ZNF483: variants seen among roughly 807,000 people sequenced by gnomAD.
The protein encoded by ZNF483 is zinc finger protein 483.
In ZNF483, 9 loss-of-function variants were observed where a neutral mutation model predicts 28.6. The ratio of observed to expected loss-of-function variants is 0.32; its 90% CI spans 0.19 to 0.55. The LOEUF (loss-of-function observed/expected upper bound fraction) is 0.55, where lower values mean the gene tolerates loss of function less well. ZNF483 is among the 20% of genes least tolerant of loss of function. The probability of loss-of-function intolerance (pLI) is 0.93; values close to 1 mark genes in which losing one functional copy is unlikely to be tolerated. For synonymous variants in ZNF483, 322 were observed against 306.2 expected, an observed-to-expected ratio of 1.05 and a Z score of -0.54; for missense variants, 675 against 871.7, an observed-to-expected ratio of 0.77 and a Z score of 2.84.
At chr9:111,559,629 A>AAC (rs905762878), downstream of ZNF483, among the ~76,000 whole-genome samples, 11 of 147,054 alleles carry the variant, frequency 7.5e-5, no homozygotes, top group Non-Finnish European at 1.5e-4. Context: ...ATACATATAT[A>AAC]ACACACACAC....
At position 111,544,344 on chromosome 9, in the gene ZNF483, GTGCA is replaced by G; in HGVS notation, c.*1177_*1180del. The G allele has an allele frequency of 4.2e-6, 4 of 962,904 alleles. No individual in the cohort carries two copies. Among genetic ancestry groups the G allele is most frequent in the Non-Finnish European group, 4.8e-6 (4 of 824,984 alleles). The allele number at this position is 962,904 out of a possible 1,614,324, so 59.6% of individuals were successfully genotyped here. A position where few individuals can be genotyped will look rare whatever the true frequency, so the allele number is the denominator to read the frequency against. On this transcript the variant is annotated 3_prime_UTR_variant, in exon 6 of 6. Transcript: ENST00000309235. Reference sequence around the variant, plus strand: ...GTTATAACAATTTGCTTGGGTGTGTGTGCATGTGTGTGTGTGTGTGTGTGTGTGT... The same window carrying G: ...GTTATAACAATTTGCTTGGGTGTGTGTGTGTGTGTGTGTGTGTGTGTGTGT...
intron 3 of ZNF483, 33 bp downstream of exon 3, chr9:111,530,996 T>C: frequency 1.8e-6 from 2 of 1,128,154 alleles, no homozygotes; most frequent in Non-Finnish European, 2.5e-6. Context: ...TATTCCTAAG[T>C]GAATACTTAA....
intron 5 of ZNF483, among the ~76,000 whole-genome samples, chr9:111,537,993 T>C (rs1826788221): frequency 6.6e-6 from 1 of 152,194 alleles, no homozygotes; most frequent in African/African-American, 2.4e-5. Context: ...TGACACCAAG[T>C]ACGGCCTGTA....
chr9:111,534,418 C>G (rs190770662), intron 5 of ZNF483, 65 bp downstream of exon 5: 6 of 1,371,704 alleles, frequency 4.4e-6, no homozygotes, highest in Non-Finnish European at 6.2e-6. Flanking sequence ...TGAGAAGACT[C>G]TTTGAAATGT....
chr9:111,545,166 C>G lies in ZNF483; in HGVS notation c.*1996C>G, dbSNP rs966970433. The stretch of plus-strand genomic sequence containing the variant: ...TGCTAAGCAGACCAACGAATCACAT[C>G]CTAGCCATGAAAGGAATGTTTATTA... On this transcript the variant is annotated 3_prime_UTR_variant, in exon 6 of 6. Transcript: ENST00000309235. Among the ~76,000 whole-genome samples, 1 of 152,068 alleles carries G rather than the reference C, an allele frequency of 6.6e-6. No individual in the cohort carries two copies. Among genetic ancestry groups the G allele is most frequent in the African/African-American group, 2.4e-5 (1 of 41,380 alleles).
downstream of ZNF483, among the ~76,000 whole-genome samples, chr9:111,555,728 A>C (rs1345529265): frequency 6.6e-6 from 1 of 152,136 alleles, no homozygotes; most frequent in Non-Finnish European, 1.5e-5. Flanking sequence ...AGAACTCACT[A>C]TCATGAGAAC....
chr9:111,533,890 C>G lies in ZNF483; in HGVS notation c.628+25C>G, dbSNP rs976292652. On this transcript the variant is annotated intron_variant, in intron 4 of 5. Transcript: ENST00000309235. ...GGTAAAGACACCTTTTCTTCATTAC[C>G]TAGCGTTTAACCTTGGGTCTCTTTT... The G allele has an allele frequency of 8.8e-6, 14 of 1,583,248 alleles. No homozygotes were observed. In the East Asian group the frequency reaches 9.0e-5, roughly 10 times the overall value.
At chr9:111,558,001 G>A (rs986432789), downstream of ZNF483, among the ~76,000 whole-genome samples, 1 of 152,100 alleles carries the variant, frequency 6.6e-6, no homozygotes, top group Non-Finnish European at 1.5e-5. Context: ...ACAAAAATTA[G>A]CCAGGCATGG....
At chr9:111,566,164 CT>C (rs1468031396) in intron 5 of ZNF483, among the ~76,000 whole-genome samples, 4 of 152,104 alleles carry the variant, frequency 2.6e-5, no homozygotes, top group Non-Finnish European at 5.9e-5. Flanking sequence ...GATCGCGCCA[CT>C]GCACTCCAGC....
At position 111,543,145 on chromosome 9, in the gene ZNF483, A is replaced by G. The variant is rs753224842; in HGVS notation, c.2210A>G (p.His737Arg). ...TFKSNSGLIR[H>R]RGFHSAE ...AAAAGTAATTCAGGCCTCATTAGAC[A>G]TCGGGGATTTCACTCTGCAGAGTAA... is the stretch of plus-strand genomic sequence containing the variant. The change falls in exon 6 of 6, where the codon CAT becomes CGT. Residue 737 changes from histidine (H) to arginine (R), a missense_variant. By Grantham distance (29) the His-to-Arg change is conservative (BLOSUM62 0). This residue lies in a region of ZNF483 where 55 missense variants were observed against 72.4 expected (regional missense o/e 0.76). Transcript: ENST00000309235. The G allele has an allele frequency of 1.2e-6, 2 of 1,609,450 alleles. No individual in the cohort carries two copies. Among genetic ancestry groups the G allele is most frequent in the Non-Finnish European group, 1.7e-6 (2 of 1,177,620 alleles).
At position 111,554,974 on chromosome 9, in the gene ZNF483, T is replaced by C. The variant is rs1474084090; in HGVS notation, c.*11804T>C. 6.6e-6 allele frequency among the ~76,000 whole-genome samples: 1 copy of C among 152,154 alleles called. No individual in the cohort carries two copies. Among genetic ancestry groups the C allele is most frequent in the Non-Finnish European group, 1.5e-5 (1 of 68,014 alleles). On this transcript the variant is annotated 3_prime_UTR_variant, in exon 6 of 6. Transcript: ENST00000309235. ...GTTAATTTTTCTTTGAGAAGTGTAA[T>C]TTCTCCAGAGGTCTGCTCTTTAATT...
chr9:111,565,071 C>T (rs760658109), intron 5 of ZNF483, among the ~76,000 whole-genome samples: 1 of 151,964 alleles, frequency 6.6e-6, no homozygotes, highest in Non-Finnish European at 1.5e-5. Context: ...TTGCAGTGAA[C>T]GGAGATCGCA....
chr9:111,525,677 C>T (rs1827169298), intron 1 of ZNF483, among the ~76,000 whole-genome samples: 2 of 152,068 alleles, frequency 1.3e-5, no homozygotes, highest in South Asian at 2.1e-4. Context: ...TTTCTTCCCT[C>T]TGGTTGAGAT....
Position 111,544,567 on chromosome 9 carries a change from G to C in ZNF483, c.*1397G>C, listed in dbSNP as rs1827761146. The C allele has an allele frequency of 6.3e-6, 1 of 158,688 alleles. No homozygotes were observed. The highest frequency in any genetic ancestry group is 1.4e-5 in the Non-Finnish European group (1 of 73,930). 9.8% of individuals were successfully genotyped at this position (158,688 alleles called of 1,614,324 possible). A position where few individuals can be genotyped will look rare whatever the true frequency, so the allele number is the denominator to read the frequency against. On this transcript the variant is annotated 3_prime_UTR_variant, in exon 6 of 6. Coordinates refer to ENST00000309235, the MANE Select transcript of ZNF483 (RefSeq NM_133464.5). ...GCTAGTTCTCTCATGTATGTCACCT[G>C]ACTTTCCCACTGTATGAATGTTCTA... is the stretch of plus-strand genomic sequence containing the variant.
At chr9:111,532,784 C>T (rs1410379611) in intron 3 of ZNF483, among the ~76,000 whole-genome samples, 1 of 151,958 alleles carries the variant, frequency 6.6e-6, no homozygotes, top group Non-Finnish European at 1.5e-5. Context: ...TGGTGCATGC[C>T]TGTAATCCCA....
intron 3 of ZNF483, among the ~76,000 whole-genome samples, chr9:111,533,063 T>C (rs967254866): frequency 3.9e-5 from 6 of 152,206 alleles, no homozygotes; most frequent in Non-Finnish European, 8.8e-5. Flanking sequence ...AAGTTAAAAT[T>C]TGGAATGTAG....
In ZNF483 at chr9:111,561,152, A is replaced by AGAGAGG. The variant is rs1564608140; in HGVS notation, c.722-15208_722-15207insGGAGAG. Among the ~76,000 whole-genome samples the AGAGAGG allele has an allele frequency of 9.8e-4, 72 of 73,662 alleles. 3 individuals are homozygous for AGAGAGG. The highest frequency in any genetic ancestry group is 3.8e-3 in the African/African-American group (52 of 13,680). 48.3% of individuals were successfully genotyped at this position (73,662 alleles called of 152,430 possible). On this transcript the variant is annotated intron_variant, in intron 5 of 5. Transcript: ENST00000358151. The stretch of plus-strand genomic sequence containing the variant: ...AGAGAGAGAGAGGAGAGAGAGGGAG[A>AGAGAGG]GAGAGAGAGAGAGAGAGAGAGAGAG...
At chr9:111,531,364 A>G (rs1002849376) in intron 3 of ZNF483, among the ~76,000 whole-genome samples, 3 of 152,084 alleles carry the variant, frequency 2.0e-5, no homozygotes, top group African/African-American at 7.2e-5. Flanking sequence ...AGTGAAATAG[A>G]AGTTCATTTC....
intron 5 of ZNF483, among the ~76,000 whole-genome samples, chr9:111,573,753 T>C (rs1030044658): frequency 3.9e-5 from 6 of 152,280 alleles, no homozygotes; most frequent in South Asian, 2.1e-4. Context: ...ACCCATAAAA[T>C]GAGAGGCCTG....
Sources: gnomAD v4.1 joint callset for allele counts (sites outside exome capture counted in the v4.1 genomes callset) on GRCh38, gnomAD v4.1.1 for gene constraint, gnomAD v4.1.1 regional missense constraint, MANE v1.5 for transcripts, NCBI Gene and HGNC (gene_info 2026-07-23, HGNC 2026-07-21) for gene names.